LRRC15: variants seen among roughly 807,000 people sequenced by gnomAD.
LRRC15 encodes leucine-rich repeat-containing protein 15.
In LRRC15, 5 loss-of-function variants were observed where a neutral mutation model predicts 4.3. The ratio of observed to expected loss-of-function variants is 1.16; its 90% CI spans 0.61 to 2.44. The LOEUF (loss-of-function observed/expected upper bound fraction) is 2.44. Ranked by LOEUF, LRRC15 falls within the 30% of genes most tolerant of loss-of-function variation. The pLI is 0.01. For synonymous variants in LRRC15, 337 were observed against 323.2 expected, an observed-to-expected ratio of 1.04 and a Z score of -0.46; for missense variants, 769 against 747.0, an observed-to-expected ratio of 1.03 and a Z score of -0.34.
intron 1 of LRRC15, among the ~76,000 whole-genome samples, chr3:194,362,854 C>T (rs1005044702): frequency 6.6e-6 from 1 of 152,004 alleles, no homozygotes; most frequent in African/African-American, 2.4e-5. Context: ...GCCTCAGCCC[C>T]GTGCACCCCT....
Position 194,359,766 on chromosome 3 carries a change from C to T in LRRC15, c.1278G>A (p.Arg426=), listed in dbSNP as rs1464443729. 6.2e-7 allele frequency: 1 copy of T among 1,614,152 alleles called. No homozygotes were observed. Among genetic ancestry groups the T allele is most frequent in the Admixed American group, 1.7e-5 (1 of 60,022 alleles). ...GGAGCGGAAGGATGTCTGAGTCACA[C>T]CTCCAGGGATTGTCATACAGCCGCA... ...CELRLYDNPW[R]CDSDILPLRN... The change falls in exon 2 of 2, where the codon AGG becomes AGA. Residue 426 remains arginine (R), a synonymous_variant. Transcript: ENST00000347624.
At chr3:194,361,931 C>T (rs189795512) in intron 1 of LRRC15, among the ~76,000 whole-genome samples, 24 of 152,258 alleles carry the variant, frequency 1.6e-4, no homozygotes, top group African/African-American at 5.3e-4. Flanking sequence ...AGCTGGTGCC[C>T]GAAGCCAGCC....
Position 194,368,725 on chromosome 3 carries a change from C to T in LRRC15, c.-4+936G>A, listed in dbSNP as rs563069674. Among the ~76,000 whole-genome samples, 6 of 152,204 alleles carry T rather than the reference C, an allele frequency of 3.9e-5. 1 individual carries two copies. The highest frequency in any genetic ancestry group is 3.3e-4 in the Admixed American group (5 of 15,274). On this transcript the variant is annotated intron_variant, in intron 1 of 1. Coordinates refer to ENST00000347624, the MANE Select transcript of LRRC15 (RefSeq NM_130830.5). The stretch of plus-strand genomic sequence containing the variant: ...CATCTCAGAGAGAGTGCAGCTGCAC[C>T]GAGGTGATGCCCTGGGCCCGGGAGG...
intron 1 of LRRC15, among the ~76,000 whole-genome samples, chr3:194,367,176 A>AC (rs2108660580): frequency 2.0e-5 from 3 of 152,268 alleles, no homozygotes; most frequent in African/African-American, 7.2e-5. Flanking sequence ...CTCCTGGAGG[A>AC]CTGTAGGGAA....
intron 1 of LRRC15, among the ~76,000 whole-genome samples, chr3:194,361,758 C>T (rs942264490): frequency 3.9e-5 from 6 of 152,240 alleles, no homozygotes; most frequent in African/African-American, 1.4e-4. Flanking sequence ...TCACCCTCGC[C>T]TGGGCCTGCC....
chr3:194,364,104 C>T (rs1713710986), intron 1 of LRRC15, among the ~76,000 whole-genome samples: 1 of 152,168 alleles, frequency 6.6e-6, no homozygotes. Context: ...AAAGCAATCA[C>T]TTGGCAAGCA....
rs1266028216 is a variant in LRRC15, at chr3:194,355,452, G to T, written c.*3846C>A. 1.3e-5 allele frequency: 2 copies of T among 152,206 alleles called. No individual in the cohort carries two copies. Among genetic ancestry groups the T allele is most frequent in the Non-Finnish European group, 2.9e-5 (2 of 68,044 alleles). The allele number at this position is 152,206 out of a possible 1,614,324, so 9.4% of individuals were successfully genotyped here. On this transcript the variant is annotated 3_prime_UTR_variant, in exon 2 of 2. Transcript: ENST00000347624. ...AAGGCAAACATGATCTAGCTTTGAA[G>T]GCAGCATGAAGGCAGCGGGTTGGTG... is the stretch of plus-strand genomic sequence containing the variant.
rs1358248498 is a variant in LRRC15, at chr3:194,360,621, C to G, written c.423G>C (p.Gln141His). 1.9e-6 allele frequency: 3 copies of G among 1,614,154 alleles called. No individual in the cohort carries two copies. The highest frequency in any genetic ancestry group is 3.3e-5 in the Admixed American group (2 of 60,028). ...TGCTGCACTGGGAGAAGTGGGCCGG[C>G]TGGATCTGCAACAGCTGGTTACTGG... ...LLSSNQLLQI[Q>H]PAHFSQCSNL... The change falls in exon 2 of 2, where the codon CAG becomes CAC. Residue 141 changes from glutamine (Q) to histidine (H), a missense_variant. Physicochemically the swap from Gln to His is conservative, Grantham distance 24 (BLOSUM62 0). Coordinates refer to ENST00000347624, the MANE Select transcript of LRRC15 (RefSeq NM_130830.5).
In LRRC15 at chr3:194,358,580, G is replaced by C. The variant is rs1003143597; in HGVS notation, c.*718C>G. Reference sequence around the variant, plus strand: ...TCTAAAAGGCTGAGCTTGCTGTGCTGGGGTGTTTCTTCCTTTTCCAGATAA... The same window carrying C: ...TCTAAAAGGCTGAGCTTGCTGTGCTCGGGTGTTTCTTCCTTTTCCAGATAA... On this transcript the variant is annotated 3_prime_UTR_variant, in exon 2 of 2. Coordinates refer to ENST00000347624, the MANE Select transcript of LRRC15 (RefSeq NM_130830.5). 2 of 152,554 alleles carry C rather than the reference G, an allele frequency of 1.3e-5. No individual in the cohort carries two copies. The highest frequency in any genetic ancestry group is 4.8e-5 in the African/African-American group (2 of 41,434). The allele number at this position is 152,554 out of a possible 1,614,324, so 9.5% of individuals were successfully genotyped here. A position where few individuals can be genotyped will look rare whatever the true frequency, so the allele number is the denominator to read the frequency against.
intron 1 of LRRC15, among the ~76,000 whole-genome samples, chr3:194,361,855 T>C (rs1713637300): frequency 6.6e-6 from 1 of 152,080 alleles, no homozygotes; most frequent in African/African-American, 2.4e-5. Context: ...CAAACCACCC[T>C]CCCAGGAAAA....
At chr3:194,367,101 A>G (rs4974535) in intron 1 of LRRC15, among the ~76,000 whole-genome samples, 111,399 of 151,994 alleles carry the variant, frequency 0.73, 41,273 homozygotes, top group East Asian at 0.94. Context: ...ACCAGGCTGC[A>G]TGGGTTCAGG....
chr3:194,361,656 C>A (rs756363429), intron 1 of LRRC15, among the ~76,000 whole-genome samples: 1 of 152,192 alleles, frequency 6.6e-6, no homozygotes, highest in Non-Finnish European at 1.5e-5. Flanking sequence ...GCCACAAACA[C>A]GGTAGCCTGC....
intron 1 of LRRC15, chr3:194,363,229 G>T (rs943909417): frequency 1.4e-5 from 7 of 503,730 alleles, no homozygotes; most frequent in African/African-American, 1.2e-4. Flanking sequence ...ATGAGCCACC[G>T]TGCCCGGCCA....
In LRRC15 at chr3:194,360,235, T is replaced by G. The variant is rs1351233073; in HGVS notation, c.809A>C (p.Gln270Pro). ...LPPSVFMQLP[Q>P]LNRLTLFGNS... ...CCCAAAGAGAGTAAGACGGTTGAGCTGGGGCAGCTGCATGAAGACGCTGGG... is the reference window on the plus strand; with the variant it reads ...CCCAAAGAGAGTAAGACGGTTGAGCGGGGGCAGCTGCATGAAGACGCTGGG... The change falls in exon 2 of 2, where the codon CAG becomes CCG. Residue 270 changes from glutamine to proline, a missense_variant. Physicochemically the swap from Gln to Pro is moderately conservative, Grantham distance 76. Coordinates refer to ENST00000347624, the MANE Select transcript of LRRC15 (RefSeq NM_130830.5). 12 of 1,613,730 alleles carry G rather than the reference T, an allele frequency of 7.4e-6. No homozygotes were observed. Among genetic ancestry groups the G allele is most frequent in the Non-Finnish European group, 9.3e-6 (11 of 1,179,728 alleles).
Position 194,359,511 on chromosome 3 carries a change from AG to A in LRRC15, c.1532del (p.Pro511LeufsTer8). Reference protein sequence around the residue: ...SVSSTTELTSPVEDYTDLTTI... With the variant: ...SVSSTTELTSXVEDYTDLTTI... ...TAGTCAGATCAGTGTAGTCTTCCAC[AG>A]GGCTGGTTAGCTCAGTGGTAGAAGA... On this transcript the variant is annotated frameshift_variant, in exon 2 of 2. Transcript: ENST00000347624. LOFTEE classifies it high-confidence loss of function. The A allele has an allele frequency of 3.7e-6, 6 of 1,614,210 alleles. No individual in the cohort carries two copies. The highest frequency in any genetic ancestry group is 5.1e-6 in the Non-Finnish European group (6 of 1,180,018).
chr3:194,363,255 T>C, intron 1 of LRRC15: 2 of 584,794 alleles, frequency 3.4e-6, no homozygotes, highest in African/African-American at 1.9e-5. Context: ...TTGATTTTTT[T>C]ACTTGTTCAC....
chr3:194,356,065 C>T lies in LRRC15; in HGVS notation c.*3233G>A, dbSNP rs1192315916. On this transcript the variant is annotated 3_prime_UTR_variant, in exon 2 of 2. Transcript: ENST00000347624. ...TTTAATGACGAAAGCCCAAGACAAG[C>T]CATGAGCTCTTGTACAAAGTTTGAA... 2 of 152,166 alleles carry T rather than the reference C, an allele frequency of 1.3e-5. No individual in the cohort carries two copies. Among genetic ancestry groups the T allele is most frequent in the African/African-American group, 2.4e-5 (1 of 41,428 alleles). The allele number at this position is 152,166 out of a possible 1,614,324, so 9.4% of individuals were successfully genotyped here.
Position 194,360,307 on chromosome 3 carries a change from T to C in LRRC15, c.737A>G (p.Asn246Ser), listed in dbSNP as rs1560045252. Reference protein sequence around the residue: ...LSPGLFHNNHNLQRLYLSNNH... With the variant: ...LSPGLFHNNHSLQRLYLSNNH... ...GTTGGACAGGTAGAGTCTCTGGAGG[T>C]TGTGGTTGTTGTGGAAGAGACCAGG... Residue 246 changes from asparagine (N) to serine (S), a missense_variant, in exon 2 of 2, where the codon AAC becomes AGC. Transcript: ENST00000347624. The C allele has an allele frequency of 1.9e-6, 3 of 1,613,466 alleles. No homozygotes were observed. The highest frequency in any genetic ancestry group is 2.5e-6 in the Non-Finnish European group (3 of 1,179,872).
chr3:194,359,530 G>T lies in LRRC15; in HGVS notation c.1514C>A (p.Thr505Asn). The T allele has an allele frequency of 6.2e-7, 1 of 1,614,238 alleles. No individual in the cohort carries two copies. Among genetic ancestry groups the T allele is most frequent in the African/African-American group, 1.3e-5 (1 of 75,070 alleles). ...SYPDTTSVSS[T>N]TELTSPVEDY... ...TTCCACAGGGCTGGTTAGCTCAGTG[G>T]TAGAAGAGACGGATGTGGTGTCAGG... The change falls in exon 2 of 2, where the codon ACC (threonine) becomes AAC (asparagine). Residue 505 changes from threonine to asparagine, a missense_variant. Thr to Asn is a moderately conservative substitution (Grantham distance 65). Coordinates refer to ENST00000347624, the MANE Select transcript of LRRC15 (RefSeq NM_130830.5).
Sources: gnomAD v4.1 joint callset for allele counts (sites outside exome capture counted in the v4.1 genomes callset) on GRCh38, gnomAD v4.1.1 for gene constraint, MANE v1.5 for transcripts, NCBI Gene and HGNC (gene_info 2026-07-23, HGNC 2026-07-21) for gene names.